PKD1L3: variants seen among roughly 807,000 people sequenced by gnomAD.
PKD1L3 encodes the protein polycystin-1-like protein 3.
In PKD1L3, 239 loss-of-function variants were observed where a neutral mutation model predicts 184.1. The ratio of observed to expected loss-of-function variants is 1.30; its 90% CI spans 1.17 to 1.45. The LOEUF (loss-of-function observed/expected upper bound fraction) is 1.45. Ranked by LOEUF, PKD1L3 falls within the 40% of genes most tolerant of loss-of-function variation. PKD1L3 has a pLI of 0.00. For missense variants in PKD1L3, 2,660 were observed against 2,067.2 expected (o/e 1.29, Z -5.56); for synonymous variants, 996 against 778.8 (o/e 1.28, Z -4.64).
At chr16:71,964,590 T>G (rs559765461) in intron 15 of PKD1L3, among the ~76,000 whole-genome samples, 1 of 151,904 alleles carries the variant, frequency 6.6e-6, no homozygotes, top group East Asian at 1.9e-4. Flanking sequence ...CTGCCCGCCC[T>G]GGCCTCCCAA....
chr16:71,997,523 C>T (rs1008201127), intron 2 of PKD1L3, among the ~76,000 whole-genome samples: 7 of 151,756 alleles, frequency 4.6e-5, no homozygotes, highest in Admixed American at 6.6e-5. Flanking sequence ...CCAAGGCAGG[C>T]GGATCATCTG....
intron 12 of PKD1L3, among the ~76,000 whole-genome samples, chr16:71,971,137 T>TG (rs996439237): frequency 1.3e-5 from 2 of 152,142 alleles, no homozygotes; most frequent in Non-Finnish European, 2.9e-5. Context: ...AGTTACCCTT[T>TG]GGTGGAAGGG....
intron 13 of PKD1L3, among the ~76,000 whole-genome samples, chr16:71,969,470 T>A (rs1414920004): frequency 8.3e-6 from 1 of 120,800 alleles, no homozygotes; most frequent in Non-Finnish European, 1.7e-5. Flanking sequence ...CATGCCAGGC[T>A]CTTTTTTTTT....
intron 27 of PKD1L3, 49 bp downstream of exon 27, chr16:71,933,866 C>A (rs1179199318): frequency 2.6e-6 from 4 of 1,533,628 alleles, no homozygotes; most frequent in South Asian, 1.2e-5. Flanking sequence ...CGATGCGATT[C>A]CAAGACCACA....
At chr16:71,996,869 G>A (rs983148720) in intron 2 of PKD1L3, among the ~76,000 whole-genome samples, 2 of 152,050 alleles carry the variant, frequency 1.3e-5, no homozygotes, top group East Asian at 1.9e-4. Context: ...ATGAGAGAAG[G>A]CATTATCTCT....
At chr16:71,978,200 C>T (rs1597354613) in intron 10 of PKD1L3, 55 bp downstream of exon 10, 1 of 1,507,094 alleles carries the variant, frequency 6.6e-7, no homozygotes, top group East Asian at 2.5e-5. Context: ...TCCTTCCATC[C>T]TGTTGCAGAA....
At chr16:71,953,206 G>A in intron 17 of PKD1L3, 113 bp from the exon 18 acceptor site, 2 of 889,552 alleles carry the variant, frequency 2.2e-6, no homozygotes, top group Non-Finnish European at 3.2e-6. Flanking sequence ...TTTATCTAGA[G>A]ATAAAATTAT....
chr16:71,935,352 T>TC lies in PKD1L3; in HGVS notation c.4613+5dup. ...AATATGCTGTGCCCCTCAGGCTTCCTCTCACCTGTCCTGGTCATCGCGGTA... is the reference window on the plus strand; with the variant it reads ...AATATGCTGTGCCCCTCAGGCTTCCTCCTCACCTGTCCTGGTCATCGCGGTA... On this transcript the variant is annotated splice_donor_region_variant and intron_variant, in intron 26 of 29. Coordinates refer to ENST00000620267, the MANE Select transcript of PKD1L3 (RefSeq NM_181536.2). 4 of 1,550,092 alleles carry TC rather than the reference T, an allele frequency of 2.6e-6. No homozygotes were observed. Among genetic ancestry groups the TC allele is most frequent in the Non-Finnish European group, 3.5e-6 (4 of 1,146,184 alleles).
At chr16:71,983,203 G>A (rs541004218) in intron 6 of PKD1L3, among the ~76,000 whole-genome samples, 1 of 152,258 alleles carries the variant, frequency 6.6e-6, no homozygotes, top group East Asian at 1.9e-4. Context: ...CTGGAGTGCA[G>A]TGGCAGAGTC....
At chr16:71,978,476 T>TATGTGTGA in intron 9 of PKD1L3, 93 bp from the exon 10 acceptor site, 1 of 70,834 alleles carries the variant, frequency 1.4e-5, no homozygotes, top group South Asian at 2.9e-4. Context: ...TATGTATATA[T>TATGTGTGA]GTGTGTGTGT....
chr16:71,935,759 G>A (rs764585263), intron 25 of PKD1L3, among the ~76,000 whole-genome samples: 8 of 152,192 alleles, frequency 5.3e-5, no homozygotes, highest in African/African-American at 7.2e-5. Flanking sequence ...TTTTCTTGGA[G>A]ATCATAAACT....
intron 1 of PKD1L3, among the ~76,000 whole-genome samples, chr16:71,998,960 T>C (rs1392341816): frequency 6.6e-6 from 1 of 152,156 alleles, no homozygotes; most frequent in Admixed American, 6.6e-5. Flanking sequence ...TTCAAGATTA[T>C]GGTGCATAAC....
chr16:71,987,221 C>G (rs1460887430), intron 4 of PKD1L3, among the ~76,000 whole-genome samples: 1 of 151,248 alleles, frequency 6.6e-6, no homozygotes, highest in Admixed American at 6.6e-5. Flanking sequence ...CTGCACCCGG[C>G]TGAGGAGAGG....
intron 16 of PKD1L3, among the ~76,000 whole-genome samples, chr16:71,955,244 T>C (rs1349939062): frequency 2.0e-5 from 3 of 151,486 alleles, no homozygotes; most frequent in East Asian, 3.9e-4. Flanking sequence ...GTGTTTGTGG[T>C]GGAAGGGGTG....
At chr16:71,987,033 T>C (rs1012322286) in intron 4 of PKD1L3, among the ~76,000 whole-genome samples, 2 of 147,944 alleles carry the variant, frequency 1.4e-5, no homozygotes, top group Non-Finnish European at 3.0e-5. Context: ...CAAGTGATTC[T>C]CCTGCCTCAG....
chr16:71,967,109 C>A, intron 15 of PKD1L3, 28 bp downstream of exon 15: 1 of 1,537,146 alleles, frequency 6.5e-7, no homozygotes, highest in Non-Finnish European at 8.8e-7. Flanking sequence ...AAAGCAGCAG[C>A]AACAGCCAAC....
chr16:71,969,301 C>G (rs918595827), intron 13 of PKD1L3, among the ~76,000 whole-genome samples: 2 of 151,942 alleles, frequency 1.3e-5, no homozygotes, highest in Non-Finnish European at 2.9e-5. Flanking sequence ...GTTAAGCTCT[C>G]TAGGTCTTTT....
intron 2 of PKD1L3, among the ~76,000 whole-genome samples, chr16:71,994,156 A>G (rs1441572176): frequency 1.3e-5 from 2 of 152,178 alleles, no homozygotes; most frequent in Admixed American, 6.5e-5. Context: ...AGAAAATCAT[A>G]TAACCATGAT....
In PKD1L3 at chr16:71,946,834, G is replaced by A. The variant is rs561201635; in HGVS notation, c.3718+658C>T. On this transcript the variant is annotated intron_variant, in intron 22 of 29. Transcript: ENST00000620267. ...GAGAGGGGGAGGAGGAGGGAGAAGGGGATGAGGGAGAGAAGGAGAGAGGGA... is the reference window on the plus strand; with the variant it reads ...GAGAGGGGGAGGAGGAGGGAGAAGGAGATGAGGGAGAGAAGGAGAGAGGGA... 4.9e-3 allele frequency among the ~76,000 whole-genome samples: 265 copies of A among 54,620 alleles called. 34 individuals are homozygous for A. Among genetic ancestry groups the A allele is most frequent in the Middle Eastern group, 0.017 (2 of 118 alleles). The allele number at this position is 54,620 out of a possible 152,430, so 35.8% of individuals were successfully genotyped here. A position where few individuals can be genotyped will look rare whatever the true frequency, so the allele number is the denominator to read the frequency against.
Sources: allele counts gnomAD v4.1 joint callset (sites outside exome capture counted in the v4.1 genomes callset), GRCh38; gene constraint gnomAD v4.1.1; transcripts MANE v1.5; gene names NCBI Gene and HGNC (gene_info 2026-07-23, HGNC 2026-07-21).